Variants in DSG4 observed in about 807,000 individuals in gnomAD.
DSG4 encodes the protein desmoglein-4.
A neutral mutation model predicts 93.1 loss-of-function variants in DSG4; 87 were observed. The observed-to-expected ratio is 0.93, with a 90% CI of 0.79 to 1.12. DSG4 has a LOEUF of 1.12. Ranked by LOEUF, DSG4 falls within the 50% of genes most tolerant of loss-of-function variation. DSG4 has a pLI of 0.00. For synonymous variants in DSG4, 432 were observed against 452.9 expected, an observed-to-expected ratio of 0.95 and a Z score of 0.59; for missense variants, 1,373 against 1,285.7, an observed-to-expected ratio of 1.07 and a Z score of -1.04.
At position 31,388,127 on chromosome 18, in the gene DSG4, G is replaced by A. The variant is rs145872108; in HGVS notation, c.217-240G>A. On this transcript the variant is annotated intron_variant, in intron 3 of 15. Transcript: ENST00000308128. Reference sequence around the variant, plus strand: ...TAACAACAAACCTAGCACCAAGTGTGTATGTTATACACATTACCTCATGTA... The same window carrying A: ...TAACAACAAACCTAGCACCAAGTGTATATGTTATACACATTACCTCATGTA... 3.6e-3 allele frequency among the ~76,000 whole-genome samples: 544 copies of A among 152,128 alleles called. 19 individuals are homozygous for A. In the East Asian group the frequency reaches 0.056, roughly 16 times the overall value.
chr18:31,377,012 C>A, intron 1 of DSG4, 53 bp downstream of exon 1: 1 of 1,581,750 alleles, frequency 6.3e-7, no homozygotes, highest in Non-Finnish European at 8.7e-7. Flanking sequence ...GGTCTTGTCT[C>A]TGTCAACTGT....
At position 31,411,275 on chromosome 18, in the gene DSG4, G is replaced by A. The variant is rs1411388343; in HGVS notation, c.2182G>A (p.Gly728Ser). 10 of 1,614,088 alleles carry A rather than the reference G, an allele frequency of 6.2e-6. No individual in the cohort carries two copies. Among genetic ancestry groups the A allele is most frequent in the Non-Finnish European group, 8.5e-6 (10 of 1,180,034 alleles). The change falls in exon 15 of 16, where the codon GGT (glycine) becomes AGT (serine). Residue 728 changes from glycine (G) to serine (S), a missense_variant. Transcript: ENST00000308128. ...TGCAGCCGGGGGCACGGTGGAAGGAGGTGTATCGGGAGTGGAGCTCAACAC... is the reference window on the plus strand; with the variant it reads ...TGCAGCCGGGGGCACGGTGGAAGGAAGTGTATCGGGAGTGGAGCTCAACAC... ...TYAAGGTVEG[G>S]VSGVELNTGM...
rs2072256791 is a variant in DSG4, at chr18:31,392,166, T to C, written c.831T>C (p.Ser277=). ...TCCTTGCATTTTAGTACTCAGCCAG[T>C]ATTGAAGAGAATTGTTTAAGTTCGG... The part of the protein sequence containing the change: ...PTLEKTSYSA[S]IEENCLSSEL... The change falls in exon 8 of 16, where the codon AGT becomes AGC. Residue 277 remains serine, a synonymous_variant. Coordinates refer to ENST00000308128, the MANE Select transcript of DSG4 (RefSeq NM_177986.5). The C allele has an allele frequency of 6.2e-7, 1 of 1,613,518 alleles. No individual in the cohort carries two copies. Among genetic ancestry groups the C allele is most frequent in the South Asian group, 1.1e-5 (1 of 91,074 alleles).
chr18:31,377,714 A>T (rs1353057114), intron 1 of DSG4, among the ~76,000 whole-genome samples: 1 of 152,216 alleles, frequency 6.6e-6, no homozygotes, highest in Admixed American at 6.6e-5. Context: ...CCAAAGAAGA[A>T]CAAAGTTCCA....
At chr18:31,404,348 A>T (rs1195069230) in intron 11 of DSG4, among the ~76,000 whole-genome samples, 1 of 152,248 alleles carries the variant, frequency 6.6e-6, no homozygotes, top group Non-Finnish European at 1.5e-5. Context: ...TGAATGGCTG[A>T]CATCGATAAA....
chr18:31,396,539 G>C (rs1400784580), intron 8 of DSG4, among the ~76,000 whole-genome samples: 1 of 151,896 alleles, frequency 6.6e-6, no homozygotes, highest in Non-Finnish European at 1.5e-5. Flanking sequence ...ATTTTCAGTA[G>C]AGACGGGGTT....
chr18:31,396,114 T>TA (rs1467662891), intron 8 of DSG4, among the ~76,000 whole-genome samples: 5 of 151,768 alleles, frequency 3.3e-5, no homozygotes, highest in African/African-American at 1.2e-4. Context: ...ACGCAAGCAA[T>TA]AAAAAAGTGT....
intron 10 of DSG4, among the ~76,000 whole-genome samples, chr18:31,401,262 T>C (rs982742748): frequency 6.6e-6 from 1 of 152,156 alleles, no homozygotes; most frequent in Non-Finnish European, 1.5e-5. Flanking sequence ...GCATAAAAGT[T>C]AAAATATAAT....
At position 31,413,809 on chromosome 18, in the gene DSG4, G is replaced by A. The variant is rs2072526974; in HGVS notation, c.*214G>A. On this transcript the variant is annotated 3_prime_UTR_variant, in exon 16 of 16. Transcript: ENST00000308128. ...AAAATTCTTTCTGATTTTAAATAAT[G>A]CGTCAAAAAATGTGCAGAAAATGTA... 2 of 592,550 alleles carry A rather than the reference G, an allele frequency of 3.4e-6. No homozygotes were observed. Among genetic ancestry groups the A allele is most frequent in the African/African-American group, 1.9e-5 (1 of 53,474 alleles). The allele number at this position is 592,550 out of a possible 1,614,324, so 36.7% of individuals were successfully genotyped here. A position where few individuals can be genotyped will look rare whatever the true frequency, so the allele number is the denominator to read the frequency against.
intron 9 of DSG4, among the ~76,000 whole-genome samples, chr18:31,399,915 C>A (rs2072346931): frequency 6.6e-6 from 1 of 152,128 alleles, no homozygotes; most frequent in South Asian, 2.1e-4. Context: ...TGCTTGTTTT[C>A]TTAAACCTGT....
intron 15 of DSG4, among the ~76,000 whole-genome samples, chr18:31,412,199 G>A (rs2072502352): frequency 6.6e-6 from 1 of 152,288 alleles, no homozygotes; most frequent in Middle Eastern, 3.4e-3. Flanking sequence ...CATAAAAAAT[G>A]AAATTTTGTC....
intron 12 of DSG4, among the ~76,000 whole-genome samples, chr18:31,407,784 A>C (rs2072443935): frequency 6.6e-6 from 1 of 152,246 alleles, no homozygotes; most frequent in South Asian, 2.1e-4. Context: ...ATAACTCTAC[A>C]GCAATTGAGT....
intron 11 of DSG4, 108 bp from the exon 12 acceptor site, chr18:31,405,969 G>GA: frequency 2.4e-6 from 3 of 1,258,306 alleles, no homozygotes; most frequent in Non-Finnish European, 2.3e-6. Context: ...AAGAAAGCAT[G>GA]AAAAATCTAG....
At position 31,406,060 on chromosome 18, in the gene DSG4, CCT is replaced by C. The variant is rs764288616; in HGVS notation, c.1637-12_1637-11del. ...AGGAATTTCCATTTATTTTCTGTTT[CCT>C]CTCTTCCATTTCAGCTACCTCGGCA... On this transcript the variant is annotated splice_polypyrimidine_tract_variant and intron_variant, in intron 11 of 15. Transcript: ENST00000308128. 1.2e-6 allele frequency: 2 copies of C among 1,613,636 alleles called. No individual in the cohort carries two copies. Among genetic ancestry groups the C allele is most frequent in the South Asian group, 2.2e-5 (2 of 91,020 alleles).
At chr18:31,391,826 A>G (rs897531445) in intron 7 of DSG4, among the ~76,000 whole-genome samples, 1 of 152,116 alleles carries the variant, frequency 6.6e-6, no homozygotes, top group African/African-American at 2.4e-5. Context: ...TTTACTATTC[A>G]GCCCTTTACA....
intron 12 of DSG4, among the ~76,000 whole-genome samples, chr18:31,406,686 G>C (rs2072431084): frequency 2.0e-5 from 3 of 152,138 alleles, no homozygotes; most frequent in Non-Finnish European, 4.4e-5. Context: ...AGAGGCAGAA[G>C]CAATTAAGTC....
chr18:31,406,119 G>T lies in DSG4; in HGVS notation c.1679G>T (p.Gly560Val). 6.2e-7 allele frequency: 1 copy of T among 1,614,032 alleles called. No individual in the cohort carries two copies. Among genetic ancestry groups the T allele is most frequent in the Non-Finnish European group, 8.5e-7 (1 of 1,179,996 alleles). ...ILTAKQVLSP[G>V]FYEIPILVKD... Reference sequence around the variant, plus strand: ...ACGGCTAAGCAGGTTTTATCTCCAGGATTTTATGAAATCCCAATCCTGGTG... The same window carrying T: ...ACGGCTAAGCAGGTTTTATCTCCAGTATTTTATGAAATCCCAATCCTGGTG... Residue 560 changes from glycine to valine, a missense_variant, in exon 12 of 16, where the codon GGA becomes GTA. Physicochemically the swap from Gly to Val is moderately radical, Grantham distance 109 (BLOSUM62 -3). Transcript: ENST00000308128.
chr18:31,389,041 T>G, intron 5 of DSG4, 23 bp downstream of exon 5: 2 of 1,612,068 alleles, frequency 1.2e-6, no homozygotes, highest in Non-Finnish European at 1.7e-6. Context: ...ACATTCCTTC[T>G]CTACGTCACA....
intron 1 of DSG4, 88 bp from the exon 2 acceptor site, chr18:31,385,048 A>G: frequency 9.0e-7 from 1 of 1,114,902 alleles, no homozygotes; most frequent in Admixed American, 1.8e-5. Flanking sequence ...AAAATGAATT[A>G]ATAAAAGAAT....
Sources: gnomAD v4.1 joint callset for allele counts (sites outside exome capture counted in the v4.1 genomes callset) on GRCh38, gnomAD v4.1.1 for gene constraint, MANE v1.5 for transcripts, NCBI Gene and HGNC (gene_info 2026-07-23, HGNC 2026-07-21) for gene names.